XRRA1: variants seen among roughly 807,000 people sequenced by gnomAD.
XRRA1 encodes X-ray radiation resistance-associated protein 1.
A neutral mutation model predicts 80.2 loss-of-function variants in XRRA1; 69 were observed. That is an observed-to-expected ratio of 0.86 (90% confidence interval 0.71 to 1.05). The LOEUF is 1.05. Ranked by LOEUF, XRRA1 falls within the 50% of genes least tolerant of loss-of-function variation. The pLI, the probability that XRRA1 is intolerant of heterozygous loss-of-function variation, is 0.00. For missense variants in XRRA1, 967 were observed against 976.4 expected, an observed-to-expected ratio of 0.99 and a Z score of 0.13; for synonymous variants, 348 against 389.9, an observed-to-expected ratio of 0.89 and a Z score of 1.27.
intron 10 of XRRA1, among the ~76,000 whole-genome samples, chr11:74,884,676 G>A (rs1400494531): frequency 1.3e-5 from 2 of 152,104 alleles, no homozygotes; most frequent in Non-Finnish European, 2.9e-5. Flanking sequence ...CTCTTTGTGT[G>A]TCCATATCCT....
chr11:74,875,618 C>T (rs935468426), intron 10 of XRRA1, among the ~76,000 whole-genome samples: 1 of 152,146 alleles, frequency 6.6e-6, no homozygotes, highest in African/African-American at 2.4e-5. Flanking sequence ...GTGGCTCACA[C>T]CTGTAATCCC....
rs776108952 is a variant in XRRA1, at chr11:74,906,454, A to C, written c.788T>G (p.Leu263Arg). 5 of 1,613,666 alleles carry C rather than the reference A, an allele frequency of 3.1e-6. No homozygotes were observed. The highest frequency in any genetic ancestry group is 4.2e-6 in the Non-Finnish European group (5 of 1,179,824). The change falls in exon 10 of 19, where the codon CTG becomes CGG. Residue 263 changes from leucine to arginine, a missense_variant and splice_region_variant. Physicochemically the swap from Leu to Arg is moderately radical, Grantham distance 102. Transcript: ENST00000684022. Reference sequence around the variant, plus strand: ...GTTTTCATCCAAGCTTAACTTCTTCAGTCTTCAATTAAGGAAAGTGAATAT... The same window carrying C: ...GTTTTCATCCAAGCTTAACTTCTTCCGTCTTCAATTAAGGAAAGTGAATAT... ...CFASLAGLRR[L>R]KKLSLDENRI...
Position 74,859,797 on chromosome 11 carries a change from G to A in XRRA1, c.1045-514C>T, listed in dbSNP as rs543431184. 2.4e-4 allele frequency among the ~76,000 whole-genome samples: 36 copies of A among 152,138 alleles called. No homozygotes were observed. In the South Asian group the frequency reaches 2.5e-3, roughly 11 times the overall value. ...CTCGAGTGGAGGGTCTTCATTTGAG[G>A]ATGAAACAACAGTCCTAAATGACTT... On this transcript the variant is annotated intron_variant, in intron 11 of 18. Transcript: ENST00000684022.
chr11:74,860,864 T>C (rs936566523), intron 11 of XRRA1, among the ~76,000 whole-genome samples: 10 of 152,304 alleles, frequency 6.6e-5, no homozygotes, highest in African/African-American at 2.4e-4. Flanking sequence ...ATATCTTTGT[T>C]ATGCAGGACC....
Position 74,852,025 on chromosome 11 carries a change from C to T in XRRA1, c.1228G>A (p.Val410Ile), listed in dbSNP as rs369302102. The T allele has an allele frequency of 5.0e-5, 80 of 1,613,906 alleles. No homozygotes were observed. In the South Asian group the frequency reaches 5.8e-4, roughly 12 times the overall value. Residue 410 changes from valine (V) to isoleucine (I), a missense_variant, in exon 13 of 19, where the codon GTC becomes ATC. Val to Ile is a conservative substitution (Grantham distance 29). Transcript: ENST00000684022. ...VALFPSLCEF[V>I]FHNNPLVAHT... The stretch of plus-strand genomic sequence containing the variant: ...GCCACCAGAGGGTTGTTATGAAAGA[C>T]GAACTCGCAGAGAGATGGGAAGAGA...
At chr11:74,880,434 T>G in intron 10 of XRRA1, among the ~76,000 whole-genome samples, 1 of 150,908 alleles carries the variant, frequency 6.6e-6, no homozygotes, top group Non-Finnish European at 1.5e-5. Context: ...ATTAATTTTT[T>G]GAAGGGTTTT....
rs1406741222 is a variant in XRRA1 at position 74,841,270 on chromosome 11, AT to A, written c.*1929del. On this transcript the variant is annotated 3_prime_UTR_variant, in exon 19 of 19. Coordinates refer to ENST00000684022, the MANE Select transcript of XRRA1 (RefSeq NM_001378157.1). ...GGTATCTAAACATACCTGGTTATGA[AT>A]TCTCAAAAGAGAAAGCAGGTCTGGG... The A allele has an allele frequency of 1.3e-5, 2 of 152,200 alleles. No homozygotes were observed. Among genetic ancestry groups the A allele is most frequent in the Non-Finnish European group, 2.9e-5 (2 of 68,036 alleles). 9.4% of individuals were successfully genotyped at this position (152,200 alleles called of 1,614,324 possible). A position where few individuals can be genotyped will look rare whatever the true frequency, so the allele number is the denominator to read the frequency against.
intron 10 of XRRA1, among the ~76,000 whole-genome samples, chr11:74,880,722 C>T (rs1398064307): frequency 2.0e-5 from 3 of 151,002 alleles, no homozygotes; most frequent in African/African-American, 7.3e-5. Flanking sequence ...GTTGTGTACC[C>T]AGTAGTCATT....
intron 8 of XRRA1, 147 bp from the exon 9 acceptor site, chr11:74,907,420 G>T: frequency 1.0e-6 from 1 of 966,720 alleles, no homozygotes; most frequent in African/African-American, 1.6e-5. Context: ...CCATAGGGAT[G>T]CACAGAAAGT....
intron 10 of XRRA1, among the ~76,000 whole-genome samples, chr11:74,901,601 C>T (rs2053585089): frequency 6.6e-6 from 1 of 152,094 alleles, no homozygotes; most frequent in Admixed American, 6.6e-5. Context: ...ACACACAGAC[C>T]AATGGAACAG....
At chr11:74,855,917 G>C (rs1184390199) in intron 12 of XRRA1, among the ~76,000 whole-genome samples, 1 of 152,022 alleles carries the variant, frequency 6.6e-6, no homozygotes, top group Non-Finnish European at 1.5e-5. Flanking sequence ...GGTGGATCAC[G>C]AGGTCAGGAG....
chr11:74,862,043 G>T (rs556687686), intron 11 of XRRA1, among the ~76,000 whole-genome samples: 5 of 152,334 alleles, frequency 3.3e-5, no homozygotes, highest in African/African-American at 1.2e-4. Flanking sequence ...ATAGAATGTG[G>T]AGAAGTGACA....
intron 11 of XRRA1, among the ~76,000 whole-genome samples, chr11:74,859,495 G>C (rs1272732441): frequency 6.6e-6 from 1 of 152,086 alleles, no homozygotes; most frequent in Non-Finnish European, 1.5e-5. Context: ...TACATGATGA[G>C]CTAATTCTCA....
rs1032877702 is a variant in XRRA1 at position 74,842,914 on chromosome 11, A to G, written c.*286T>C. 7.4e-5 allele frequency: 30 copies of G among 407,254 alleles called. No individual in the cohort carries two copies. Among genetic ancestry groups the G allele is most frequent in the Middle Eastern group, 6.2e-4 (1 of 1,616 alleles). The allele number at this position is 407,254 out of a possible 1,614,324, so 25.2% of individuals were successfully genotyped here. On this transcript the variant is annotated 3_prime_UTR_variant, in exon 19 of 19. Coordinates refer to ENST00000684022, the MANE Select transcript of XRRA1 (RefSeq NM_001378157.1). ...AAAACCATTTTTAGAGGGAAGTGTG[A>G]CAATGCTGCTGTGGCCTGGGTTCCA...
chr11:74,858,503 A>G (rs2041629685), intron 12 of XRRA1, among the ~76,000 whole-genome samples: 1 of 152,258 alleles, frequency 6.6e-6, no homozygotes, highest in Admixed American at 6.5e-5. Context: ...TAAGCAGAGT[A>G]TCTTACAAGT....
chr11:74,849,440 G>A (rs1173375686), intron 14 of XRRA1, among the ~76,000 whole-genome samples: 1 of 152,192 alleles, frequency 6.6e-6, no homozygotes, highest in East Asian at 1.9e-4. Context: ...TGGAAAATAT[G>A]TGGAACCTCA....
At chr11:74,871,498 C>T (rs1041520676) in intron 10 of XRRA1, among the ~76,000 whole-genome samples, 104 of 152,202 alleles carry the variant, frequency 6.8e-4, no homozygotes, top group African/African-American at 2.4e-3. Context: ...CTTACTAGAC[C>T]TTTGCATGCA....
intron 10 of XRRA1, among the ~76,000 whole-genome samples, chr11:74,904,718 A>T (rs2054214638): frequency 6.6e-6 from 1 of 152,116 alleles, no homozygotes; most frequent in Non-Finnish European, 1.5e-5. Context: ...AATATGCAGT[A>T]CTATATTGTT....
At chr11:74,909,362 C>T (rs2055352360) in intron 8 of XRRA1, among the ~76,000 whole-genome samples, 1 of 152,154 alleles carries the variant, frequency 6.6e-6, no homozygotes, top group Non-Finnish European at 1.5e-5. Flanking sequence ...GAACAGTGCA[C>T]AGCAGCTGTG....
Sources: gnomAD v4.1 joint callset for allele counts (sites outside exome capture counted in the v4.1 genomes callset) on GRCh38, gnomAD v4.1.1 for gene constraint, MANE v1.5 for transcripts, NCBI Gene and HGNC (gene_info 2026-07-23, HGNC 2026-07-21) for gene names.